The following PPFIA2 variants were observed in gnomAD, a reference collection of about 807,000 sequenced individuals.
The protein encoded by PPFIA2 is liprin-alpha-2.
Under a neutral mutation model 175.5 loss-of-function variants are expected in PPFIA2, and 46 were observed. The ratio of observed to expected loss-of-function variants is 0.26; its 90% CI spans 0.21 to 0.34. The LOEUF (loss-of-function observed/expected upper bound fraction) is 0.34. Ranked by LOEUF, PPFIA2 falls within the 10% of genes least tolerant of loss-of-function variation. PPFIA2 has a pLI of 1.00. For synonymous variants in PPFIA2, 568 were observed against 511.4 expected, an observed-to-expected ratio of 1.11 and a Z score of -1.49; for missense variants, 1,179 against 1,506.1, an observed-to-expected ratio of 0.78 and a Z score of 3.60.
chr12:81,426,736 C>T (rs1435599186), intron 7 of PPFIA2, among the ~76,000 whole-genome samples: 1 of 151,916 alleles, frequency 6.6e-6, no homozygotes, highest in East Asian at 1.9e-4. Context: ...GTTTTCAAGA[C>T]TTGAGAGCTA....
chr12:81,330,323 G>T (rs117279606), intron 21 of PPFIA2, among the ~76,000 whole-genome samples: 1 of 152,098 alleles, frequency 6.6e-6, no homozygotes, highest in Admixed American at 6.6e-5. Context: ...CTGGTGGCAC[G>T]CTTGTTATTA....
At chr12:81,519,242 T>C (rs2062823440) in intron 4 of PPFIA2, among the ~76,000 whole-genome samples, 1 of 152,212 alleles carries the variant, frequency 6.6e-6, no homozygotes, top group South Asian at 2.1e-4. Context: ...CTATAGGTTA[T>C]ATTAATATTG....
chr12:81,504,383 G>A (rs1017477297), intron 4 of PPFIA2, among the ~76,000 whole-genome samples: 4 of 151,878 alleles, frequency 2.6e-5, no homozygotes, highest in Non-Finnish European at 5.9e-5. Context: ...TGGCCAACAA[G>A]CATATGAAAA....
At chr12:81,698,358 C>T (rs902133891) in intron 3 of PPFIA2, among the ~76,000 whole-genome samples, 2 of 152,074 alleles carry the variant, frequency 1.3e-5, no homozygotes, top group African/African-American at 4.8e-5. Flanking sequence ...GTTTAGCCCC[C>T]TCATGCTCTC....
intron 3 of PPFIA2, among the ~76,000 whole-genome samples, chr12:81,733,628 T>G (rs2153644089): frequency 6.6e-6 from 1 of 151,862 alleles, no homozygotes; most frequent in East Asian, 1.9e-4. Flanking sequence ...ACAACTCTTA[T>G]GAAGATAAAA....
intron 7 of PPFIA2, among the ~76,000 whole-genome samples, chr12:81,416,694 A>G (rs1395728554): frequency 3.3e-5 from 5 of 151,726 alleles, no homozygotes; most frequent in Non-Finnish European, 5.9e-5. Flanking sequence ...TCACTCCCAC[A>G]GGGCTCTTTG....
intron 3 of PPFIA2, among the ~76,000 whole-genome samples, chr12:81,746,685 A>T (rs1259390014): frequency 6.9e-6 from 1 of 144,244 alleles, no homozygotes; most frequent in Non-Finnish European, 1.6e-5. Context: ...AATTGAAGAC[A>T]CTAGAGACAG....
At chr12:81,482,628 A>G (rs1344326407) in intron 4 of PPFIA2, among the ~76,000 whole-genome samples, 1 of 152,172 alleles carries the variant, frequency 6.6e-6, no homozygotes, top group Non-Finnish European at 1.5e-5. Context: ...TCAGCTAACC[A>G]ACACAGGAAC....
intron 4 of PPFIA2, among the ~76,000 whole-genome samples, chr12:81,538,704 T>C (rs1349666894): frequency 6.6e-6 from 1 of 151,888 alleles, no homozygotes; most frequent in African/African-American, 2.4e-5. Context: ...ACTGTCTGTT[T>C]TGTGGAACAG....
At chr12:81,517,539 G>C (rs1242373979) in intron 4 of PPFIA2, among the ~76,000 whole-genome samples, 3 of 152,154 alleles carry the variant, frequency 2.0e-5, no homozygotes, top group Admixed American at 2.0e-4. Flanking sequence ...GACTGTGCTT[G>C]TTGGCAGATA....
At chr12:81,390,516 T>G (rs2039919617) in intron 8 of PPFIA2, among the ~76,000 whole-genome samples, 2 of 152,184 alleles carry the variant, frequency 1.3e-5, no homozygotes, top group Non-Finnish European at 2.9e-5. Flanking sequence ...TTGCATTTCC[T>G]AATAACTGAT....
At chr12:81,530,394 G>C (rs1320212831) in intron 4 of PPFIA2, among the ~76,000 whole-genome samples, 3 of 152,038 alleles carry the variant, frequency 2.0e-5, no homozygotes, top group Middle Eastern at 3.4e-3. Flanking sequence ...AAGGTGAATA[G>C]AACTTAAATA....
chr12:81,464,007 G>A (rs2146023537), intron 4 of PPFIA2, among the ~76,000 whole-genome samples: 2 of 152,044 alleles, frequency 1.3e-5, no homozygotes, highest in South Asian at 4.2e-4. Context: ...TTCTATTTCA[G>A]CTAATATTCC....
At chr12:81,709,962 A>G (rs1285746594) in intron 3 of PPFIA2, among the ~76,000 whole-genome samples, 1 of 152,022 alleles carries the variant, frequency 6.6e-6, no homozygotes, top group Non-Finnish European at 1.5e-5. Flanking sequence ...AACATTATAT[A>G]AATCTTGGCC....
intron 22 of PPFIA2, among the ~76,000 whole-genome samples, chr12:81,308,135 G>A (rs1353431366): frequency 1.3e-5 from 2 of 152,076 alleles, no homozygotes; most frequent in Non-Finnish European, 2.9e-5. Context: ...AATACAGTAA[G>A]TGCTATAATT....
intron 27 of PPFIA2, among the ~76,000 whole-genome samples, chr12:81,280,888 GT>G (rs1418081960): frequency 6.8e-6 from 1 of 147,096 alleles, no homozygotes; most frequent in Non-Finnish European, 1.5e-5. Flanking sequence ...CCACATATTT[GT>G]GTAGAGTTGA....
intron 4 of PPFIA2, among the ~76,000 whole-genome samples, chr12:81,621,469 T>C (rs558534601): frequency 6.6e-6 from 1 of 152,216 alleles, no homozygotes; most frequent in East Asian, 1.9e-4. Flanking sequence ...ATGCCATAAC[T>C]GAATAAATGA....
At chr12:81,657,261 G>T (rs187715692) in intron 4 of PPFIA2, among the ~76,000 whole-genome samples, 1 of 152,304 alleles carries the variant, frequency 6.6e-6, no homozygotes, top group Admixed American at 6.5e-5. Context: ...AGCCAAAGAG[G>T]TTTGCAATTT....
chr12:81,408,272 A>G (rs2043280820), intron 7 of PPFIA2, among the ~76,000 whole-genome samples: 1 of 152,174 alleles, frequency 6.6e-6, no homozygotes, highest in African/African-American at 2.4e-5. Context: ...ATTACAATTG[A>G]TACATGAGAT....
Sources: gnomAD v4.1 joint callset for allele counts (sites outside exome capture counted in the v4.1 genomes callset) on GRCh38, gnomAD v4.1.1 for gene constraint, MANE v1.5 for transcripts, NCBI Gene and HGNC (gene_info 2026-07-23, HGNC 2026-07-21) for gene names.